The following KALRN variants were observed in gnomAD, a reference collection of about 807,000 sequenced individuals.
KALRN encodes the protein kalirin.
In KALRN, 70 loss-of-function variants were observed where a neutral mutation model predicts 353.7. The observed-to-expected ratio is 0.20, with a 90% CI of 0.16 to 0.24. The LOEUF (loss-of-function observed/expected upper bound fraction) is 0.24. Among genes scored for constraint, KALRN ranks in the 10% least tolerant of loss-of-function variants. The pLI is 1.00. For synonymous variants in KALRN, 1,391 were observed against 1,434.8 expected, an observed-to-expected ratio of 0.97 and a Z score of 0.69; for missense variants, 2,791 against 3,756.7, an observed-to-expected ratio of 0.74 and a Z score of 6.72.
intron 6 of KALRN, among the ~76,000 whole-genome samples, chr3:124,314,745 C>T (rs6800018): frequency 0.2 from 31,013 of 152,110 alleles, 3,287 homozygotes; most frequent in South Asian, 0.29. Context: ...CAGCCTCAAC[C>T]TCCAGGGCTC....
intron 23 of KALRN, among the ~76,000 whole-genome samples, chr3:124,457,362 G>A (rs1434632066): frequency 6.6e-6 from 1 of 151,552 alleles, no homozygotes; most frequent in East Asian, 1.9e-4. Flanking sequence ...GAGCCACCAC[G>A]CCCAGCCTCT....
intron 6 of KALRN, among the ~76,000 whole-genome samples, chr3:124,315,499 T>G (rs2078718393): frequency 6.6e-6 from 1 of 152,090 alleles, no homozygotes; most frequent in East Asian, 1.9e-4. Flanking sequence ...ACCCCAGATC[T>G]CCCTCCTTTT....
chr3:124,414,020 C>T (rs1055425199), intron 14 of KALRN, among the ~76,000 whole-genome samples: 3 of 151,932 alleles, frequency 2.0e-5, no homozygotes, highest in East Asian at 1.9e-4. Context: ...GCAGGAGAAT[C>T]GCTTCAACCT....
At chr3:124,132,344 C>G (rs1327855489) in intron 1 of KALRN, among the ~76,000 whole-genome samples, 3 of 152,278 alleles carry the variant, frequency 2.0e-5, no homozygotes, top group African/African-American at 7.2e-5. Context: ...GTGAGGGAAG[C>G]TCAATCATCA....
chr3:124,177,204 T>C (rs1050511652), intron 1 of KALRN, among the ~76,000 whole-genome samples: 3 of 152,228 alleles, frequency 2.0e-5, no homozygotes, highest in Non-Finnish European at 4.4e-5. Context: ...GACTCAGCTC[T>C]GTGCAGGATG....
At position 124,526,241 on chromosome 3, in the gene KALRN, T is replaced by A. The variant is rs141418275; in HGVS notation, c.4935+29828T>A. Among the ~76,000 whole-genome samples the A allele has an allele frequency of 6.6e-3, 1,003 of 152,238 alleles. 10 individuals carry two copies. Among genetic ancestry groups the A allele is most frequent in the African/African-American group, 0.023 (940 of 41,532 alleles). On this transcript the variant is annotated intron_variant, in intron 33 of 59. Coordinates refer to ENST00000682506, the MANE Select transcript of KALRN (RefSeq NM_001388419.1). The stretch of plus-strand genomic sequence containing the variant: ...CAAATTTGGCTATAATAGTAAAAAA[T>A]CTGGATAACTTGTTTTTTCTCGATT...
At chr3:124,444,384 A>C (rs1256543858) in intron 19 of KALRN, among the ~76,000 whole-genome samples, 3 of 152,218 alleles carry the variant, frequency 2.0e-5, no homozygotes, top group Non-Finnish European at 4.4e-5. Flanking sequence ...TCATTTGCTA[A>C]AGCAAGTTAT....
At chr3:124,705,261 A>C (rs1446759936) in intron 57 of KALRN, among the ~76,000 whole-genome samples, 1 of 152,228 alleles carries the variant, frequency 6.6e-6, no homozygotes, top group Non-Finnish European at 1.5e-5. Context: ...ACTTCATTGA[A>C]ACTATAATGC....
chr3:124,672,614 T>C (rs111913616), intron 48 of KALRN, among the ~76,000 whole-genome samples: 5,087 of 152,298 alleles, frequency 0.033, 305 homozygotes, highest in African/African-American at 0.11. Context: ...ATTGAATGTT[T>C]GTCGTCGATA....
chr3:124,384,407 A>T (rs900968722), intron 10 of KALRN, among the ~76,000 whole-genome samples: 1 of 152,234 alleles, frequency 6.6e-6, no homozygotes, highest in Non-Finnish European at 1.5e-5. Context: ...GAACTTGAGG[A>T]GAAAAGCAAA....
At chr3:124,496,273 C>T in intron 32 of KALRN, 38 bp from the exon 33 acceptor site, 1 of 1,525,522 alleles carries the variant, frequency 6.6e-7, no homozygotes, top group Non-Finnish European at 9.1e-7. Flanking sequence ...GTGGTTCCCC[C>T]CACCCCCACC....
At chr3:124,065,041 C>T (rs2042245915) in intron 1 of KALRN, among the ~76,000 whole-genome samples, 1 of 152,140 alleles carries the variant, frequency 6.6e-6, no homozygotes, top group Admixed American at 6.5e-5. Flanking sequence ...ATGGTCTTGG[C>T]TACAGTGGGG....
chr3:124,597,559 G>A lies in KALRN; in HGVS notation c.5182+34470G>A, dbSNP rs535789920. ...CCAAGGACATAGTGGGAGCAAAGCA[G>A]CAGGGATATTCAGGGGACCACAGAG... is the stretch of plus-strand genomic sequence containing the variant. On this transcript the variant is annotated intron_variant, in intron 34 of 59. Transcript: ENST00000682506. 2.0e-5 allele frequency among the ~76,000 whole-genome samples: 3 copies of A among 152,254 alleles called. No individual in the cohort carries two copies. In the East Asian group the frequency reaches 5.8e-4, roughly 29 times the overall value.
At position 124,633,930 on chromosome 3, in the gene KALRN, A is replaced by T; in HGVS notation, c.5545A>T (p.Asn1849Tyr). 1 of 1,613,984 alleles carries T rather than the reference A, an allele frequency of 6.2e-7. No individual in the cohort carries two copies. Among genetic ancestry groups the T allele is most frequent in the Non-Finnish European group, 8.5e-7 (1 of 1,179,918 alleles). ...CCCACCACCTATGAAGATTTTTGAC[A>T]ACGACCCTACACAGGATGAAATGGT... ...PLPPPMKIFD[N>Y]DPTQDEMSSS... Residue 1849 changes from asparagine (N) to tyrosine (Y), a missense_variant, in exon 36 of 60, where the codon AAC becomes TAC. Physicochemically the swap from Asn to Tyr is moderately radical, Grantham distance 143. Around this residue, in one of 11 missense-constraint regions of KALRN, gnomAD observed 1,065 missense variants for 1,156.4 expected, o/e 0.92. Coordinates refer to ENST00000682506, the MANE Select transcript of KALRN (RefSeq NM_001388419.1).
intron 34 of KALRN, among the ~76,000 whole-genome samples, chr3:124,583,273 C>T (rs970865099): frequency 2.0e-5 from 3 of 152,054 alleles, no homozygotes; most frequent in African/African-American, 7.2e-5. Flanking sequence ...TGAATGGGCC[C>T]TCTTTATGAG....
chr3:124,651,046 C>A, intron 38 of KALRN, 108 bp downstream of exon 38: 1 of 1,331,756 alleles, frequency 7.5e-7, no homozygotes. Context: ...TTTCCACTGA[C>A]ATCTTTCATT....
intron 26 of KALRN, among the ~76,000 whole-genome samples, chr3:124,475,371 TTC>T (rs1264351980): frequency 2.6e-5 from 4 of 152,198 alleles, no homozygotes; most frequent in Non-Finnish European, 4.4e-5. Context: ...ATGTACCAGA[TTC>T]TAATTATATA....
At chr3:124,438,444 G>C (rs541191746) in intron 17 of KALRN, among the ~76,000 whole-genome samples, 3 of 152,110 alleles carry the variant, frequency 2.0e-5, no homozygotes, top group African/African-American at 7.2e-5. Flanking sequence ...ATACAACATA[G>C]GCAACTTCCT....
intron 9 of KALRN, among the ~76,000 whole-genome samples, chr3:124,343,246 C>T (rs967668782): frequency 6.6e-6 from 1 of 152,222 alleles, no homozygotes; most frequent in East Asian, 1.9e-4. Flanking sequence ...CAGCCTGGAA[C>T]TCCTAGGCTC....
Sources: allele counts gnomAD v4.1 joint callset (sites outside exome capture counted in the v4.1 genomes callset), GRCh38; gene constraint gnomAD v4.1.1; regional missense constraint gnomAD v4.1.1; transcripts MANE v1.5; gene names NCBI Gene and HGNC (gene_info 2026-07-23, HGNC 2026-07-21).